The following DSCAM variants were observed in gnomAD, a reference collection of about 807,000 sequenced individuals.
The protein encoded by DSCAM is DS cell adhesion molecule.
Under a neutral mutation model 217.7 loss-of-function variants are expected in DSCAM, and 47 were observed. The ratio of observed to expected loss-of-function variants is 0.22; its 90% CI spans 0.17 to 0.28. The LOEUF (loss-of-function observed/expected upper bound fraction) is 0.28, where lower values mean the gene tolerates loss of function less well. DSCAM is among the 10% of genes least tolerant of loss of function. DSCAM has a pLI of 1.00. For missense variants in DSCAM, 2,080 were observed against 2,618.3 expected, an observed-to-expected ratio of 0.79 and a Z score of 4.49; for synonymous variants, 1,056 against 1,015.3, an observed-to-expected ratio of 1.04 and a Z score of -0.76.
At chr21:40,638,795 A>G (rs1225588490) in intron 3 of DSCAM, among the ~76,000 whole-genome samples, 8 of 152,172 alleles carry the variant, frequency 5.3e-5, no homozygotes, top group African/African-American at 1.4e-4. Flanking sequence ...CTGTCACCAC[A>G]TTTATTTCAT....
At chr21:40,703,273 T>G (rs1455846982) in intron 2 of DSCAM, among the ~76,000 whole-genome samples, 1 of 152,196 alleles carries the variant, frequency 6.6e-6, no homozygotes, top group Non-Finnish European at 1.5e-5. Context: ...CCTAGCACTT[T>G]GGGAGGCCAA....
chr21:40,719,715 C>T lies in DSCAM; in HGVS notation c.44-10944G>A, dbSNP rs537206456. Among the ~76,000 whole-genome samples, 17 of 152,220 alleles carry T rather than the reference C, an allele frequency of 1.1e-4. 1 individual carries two copies. The highest frequency in any genetic ancestry group is 6.8e-3 in the Middle Eastern group (2 of 294). ...CCAAAGGGATTTACACTGTATTGTT[C>T]CATTTATATCAAACATCAAAATAGG... On this transcript the variant is annotated intron_variant, in intron 1 of 32. Coordinates refer to ENST00000400454, the MANE Select transcript of DSCAM (RefSeq NM_001389.5).
At chr21:40,587,746 C>T (rs563859800) in intron 3 of DSCAM, among the ~76,000 whole-genome samples, 17 of 152,154 alleles carry the variant, frequency 1.1e-4, no homozygotes, top group Non-Finnish European at 2.4e-4. Flanking sequence ...TTTTCAAGCA[C>T]TTGCAAAGCC....
chr21:40,088,831 A>G (rs2089567015), intron 21 of DSCAM, among the ~76,000 whole-genome samples: 1 of 152,228 alleles, frequency 6.6e-6, no homozygotes, highest in Admixed American at 6.5e-5. Context: ...TTCCAGCTTT[A>G]TAACAGTCAC....
intron 22 of DSCAM, 125 bp from the exon 23 acceptor site, chr21:40,085,890 T>A (rs535942214): frequency 1.1e-4 from 90 of 818,932 alleles, no homozygotes; most frequent in Non-Finnish European, 1.4e-4. Flanking sequence ...TTTCTTGCAT[T>A]ATGAAAGAAC....
chr21:40,108,551 C>A (rs1202746802), intron 20 of DSCAM, among the ~76,000 whole-genome samples: 11 of 152,178 alleles, frequency 7.2e-5, no homozygotes, highest in Admixed American at 7.2e-4. Flanking sequence ...TAGGAAGAAT[C>A]AATATCTGAA....
intron 1 of DSCAM, among the ~76,000 whole-genome samples, chr21:40,711,418 G>T (rs2090778902): frequency 6.6e-6 from 1 of 152,204 alleles, no homozygotes; most frequent in South Asian, 2.1e-4. Context: ...ATAATAATAA[G>T]ATTTAACCTG....
intron 1 of DSCAM, among the ~76,000 whole-genome samples, chr21:40,735,089 CTG>C (rs1406271752): frequency 6.6e-6 from 1 of 152,256 alleles, no homozygotes; most frequent in African/African-American, 2.4e-5. Context: ...TCATTACTCT[CTG>C]TTCTCTTTGC....
intron 28 of DSCAM, 106 bp downstream of exon 28, chr21:40,062,763 C>A: frequency 9.6e-7 from 1 of 1,040,196 alleles, no homozygotes. Context: ...AAAGAAAAGA[C>A]ATTATCAATT....
intron 21 of DSCAM, among the ~76,000 whole-genome samples, chr21:40,092,590 A>G (rs2089625482): frequency 1.3e-5 from 2 of 152,230 alleles, no homozygotes; most frequent in Admixed American, 1.3e-4. Flanking sequence ...CTAGAGATAG[A>G]ACTTTGAAAG....
rs1198204336 is a variant in DSCAM, at chr21:40,124,663, C to A, written c.3563-335G>T. On this transcript the variant is annotated intron_variant, in intron 19 of 32. Transcript: ENST00000400454. ...ATAGAGGGAAGATGATGTGAAGACACAGGGAGAAGAGGGCATCTATAAGCC... is the reference window on the plus strand; with the variant it reads ...ATAGAGGGAAGATGATGTGAAGACAAAGGGAGAAGAGGGCATCTATAAGCC... Among the ~76,000 whole-genome samples, 3 of 152,100 alleles carry A rather than the reference C, an allele frequency of 2.0e-5. No individual in the cohort carries two copies. In the East Asian group the frequency reaches 5.8e-4, roughly 29 times the overall value.
At chr21:40,603,899 G>C (rs1057308053) in intron 3 of DSCAM, among the ~76,000 whole-genome samples, 33 of 143,220 alleles carry the variant, frequency 2.3e-4, no homozygotes, top group African/African-American at 8.5e-4. Context: ...GATATGACAT[G>C]CCTAGGTGTA....
chr21:40,296,776 A>G (rs529752074), intron 9 of DSCAM, among the ~76,000 whole-genome samples: 23 of 144,130 alleles, frequency 1.6e-4, no homozygotes, highest in Non-Finnish European at 1.5e-4. Context: ...GGTTGCAGTG[A>G]GCTGAGATAA....
chr21:40,575,457 G>A (rs971714033), intron 3 of DSCAM, among the ~76,000 whole-genome samples: 3 of 76,036 alleles, frequency 3.9e-5, no homozygotes, highest in African/African-American at 1.1e-4. Flanking sequence ...CAGACAATTA[G>A]ATTACGGGAA....
intron 1 of DSCAM, among the ~76,000 whole-genome samples, chr21:40,747,942 TACC>T (rs776042987): frequency 1.3e-5 from 2 of 151,886 alleles, no homozygotes; most frequent in Admixed American, 6.6e-5. Context: ...AACATAATAT[TACC>T]ACATTAACAG....
chr21:40,414,452 T>C (rs929788607), intron 3 of DSCAM, among the ~76,000 whole-genome samples: 3 of 152,196 alleles, frequency 2.0e-5, no homozygotes, highest in East Asian at 1.9e-4. Context: ...CCTCCTAGAA[T>C]AGCTAAAATT....
intron 16 of DSCAM, among the ~76,000 whole-genome samples, chr21:40,166,461 C>T (rs1236381261): frequency 1.3e-5 from 2 of 152,196 alleles, no homozygotes; most frequent in Non-Finnish European, 2.9e-5. Flanking sequence ...TGCCATGGCC[C>T]ACCAGGTCAG....
intron 3 of DSCAM, among the ~76,000 whole-genome samples, chr21:40,660,787 A>G (rs747537742): frequency 6.6e-6 from 1 of 152,240 alleles, no homozygotes; most frequent in Non-Finnish European, 1.5e-5. Flanking sequence ...TGTCCTTGAC[A>G]GTCAAGACAA....
At chr21:40,806,571 C>G (rs576568702) in intron 1 of DSCAM, among the ~76,000 whole-genome samples, 1 of 152,262 alleles carries the variant, frequency 6.6e-6, no homozygotes, top group East Asian at 1.9e-4. Flanking sequence ...ATTATGAGGT[C>G]TGAAAAAATT....
Sources: allele counts gnomAD v4.1 joint callset (sites outside exome capture counted in the v4.1 genomes callset), GRCh38; gene constraint gnomAD v4.1.1; transcripts MANE v1.5; gene names NCBI Gene and HGNC (gene_info 2026-07-23, HGNC 2026-07-21).